DCC: variants seen among roughly 807,000 people sequenced by gnomAD.
The protein encoded by DCC is netrin receptor DCC.
DCC carries 58 observed loss-of-function variants against 172.5 expected under a neutral mutation model. The observed-to-expected ratio is 0.34, with a 90% confidence interval of 0.27 to 0.42. DCC has a LOEUF of 0.42. Among genes scored for constraint, DCC ranks in the 10% least tolerant of loss-of-function variants. The pLI is 1.00. For synonymous variants in DCC, 709 were observed against 644.5 expected (o/e 1.10, Z -1.52); for missense variants, 1,740 against 1,791.0 (o/e 0.97, Z 0.51).
intron 3 of DCC, among the ~76,000 whole-genome samples, chr18:52,920,195 AAGG>A (rs1262337828): frequency 1.3e-5 from 2 of 152,048 alleles, no homozygotes; most frequent in African/African-American, 4.8e-5. Context: ...ATAATCATGA[AAGG>A]AGAAGTTGAT....
At chr18:52,672,189 A>G (rs1288476151) in intron 1 of DCC, among the ~76,000 whole-genome samples, 1 of 152,226 alleles carries the variant, frequency 6.6e-6, no homozygotes, top group Non-Finnish European at 1.5e-5. Context: ...CGTGGGTATT[A>G]AAAGGTCTGT....
intron 15 of DCC, among the ~76,000 whole-genome samples, chr18:53,375,054 T>C (rs2058095843): frequency 6.6e-6 from 1 of 152,184 alleles, no homozygotes; most frequent in Non-Finnish European, 1.5e-5. Flanking sequence ...CACTGCTACT[T>C]AATGAGCTCT....
intron 13 of DCC, among the ~76,000 whole-genome samples, chr18:53,311,459 G>A (rs2057268107): frequency 6.6e-6 from 1 of 152,148 alleles, no homozygotes. Context: ...ACTGAGGTCT[G>A]GAGGGTGGTA....
intron 1 of DCC, among the ~76,000 whole-genome samples, chr18:52,498,360 A>C (rs2030882310): frequency 6.6e-6 from 1 of 152,174 alleles, no homozygotes; most frequent in Admixed American, 6.5e-5. Flanking sequence ...ACAGTGGCTC[A>C]TGGCTGTAAT....
At chr18:53,214,928 T>C (rs900829365) in intron 11 of DCC, among the ~76,000 whole-genome samples, 1 of 152,134 alleles carries the variant, frequency 6.6e-6, no homozygotes, top group African/African-American at 2.4e-5. Context: ...CAAAATACCG[T>C]ACCTAGAAAC....
chr18:52,687,821 A>G (rs1272389297), intron 1 of DCC, among the ~76,000 whole-genome samples: 1 of 152,094 alleles, frequency 6.6e-6, no homozygotes, highest in Non-Finnish European at 1.5e-5. Context: ...GGAACATGTG[A>G]CTGTTCAAGG....
At chr18:52,907,294 A>C (rs1435744364) in intron 3 of DCC, among the ~76,000 whole-genome samples, 1 of 30,176 alleles carries the variant, frequency 3.3e-5, no homozygotes, top group South Asian at 1.4e-3. Context: ...GGATATATAC[A>C]TATGGATATA....
chr18:53,014,783 A>C (rs913925886), intron 5 of DCC, among the ~76,000 whole-genome samples: 2 of 152,068 alleles, frequency 1.3e-5, no homozygotes, highest in Non-Finnish European at 2.9e-5. Flanking sequence ...GAATGGCTGA[A>C]TTGCTGCATA....
intron 1 of DCC, among the ~76,000 whole-genome samples, chr18:52,736,550 A>C (rs1202364696): frequency 6.6e-6 from 1 of 152,166 alleles, no homozygotes; most frequent in African/African-American, 2.4e-5. Flanking sequence ...TGCAGAGAAA[A>C]AAAGTTGAAA....
rs932009575 is a variant in DCC, at chr18:53,052,786, C to T, written c.986-10519C>T. 4.6e-5 allele frequency among the ~76,000 whole-genome samples: 7 copies of T among 152,140 alleles called. No individual in the cohort carries two copies. The East Asian group carries it at 7.8e-4, about 17-fold the overall frequency. Reference sequence around the variant, plus strand: ...TTTCATTGATGGTCCATAAGCCTTACCTTACTCAAACCAACCTCCATCCCC... The same window carrying T: ...TTTCATTGATGGTCCATAAGCCTTATCTTACTCAAACCAACCTCCATCCCC... On this transcript the variant is annotated intron_variant, in intron 5 of 28. Coordinates refer to ENST00000442544, the MANE Select transcript of DCC (RefSeq NM_005215.4).
At chr18:53,163,637 T>G (rs569849385) in intron 8 of DCC, among the ~76,000 whole-genome samples, 1 of 152,108 alleles carries the variant, frequency 6.6e-6, no homozygotes, top group East Asian at 1.9e-4. Context: ...AATTCAAATC[T>G]TTTTATCCAA....
chr18:52,930,849 G>A (rs969816113), intron 5 of DCC, among the ~76,000 whole-genome samples: 12 of 151,920 alleles, frequency 7.9e-5, no homozygotes, highest in Non-Finnish European at 7.4e-5. Context: ...TTTTCTTCAT[G>A]GTTGCTAGCA....
intron 15 of DCC, among the ~76,000 whole-genome samples, chr18:53,370,622 G>A (rs774447856): frequency 5.3e-5 from 8 of 151,650 alleles, no homozygotes; most frequent in Non-Finnish European, 1.0e-4. Context: ...TTCCTTTGTT[G>A]TTTAAGAGTG....
At position 53,240,212 on chromosome 18, in the gene DCC, G is replaced by T. The variant is rs531992279; in HGVS notation, c.1911+24615G>T. ...TCTGGAGATGTTTTTAAAAGGGGAAGAAAAATCAGATAAACTTATAGACAT... is the reference window on the plus strand; with the variant it reads ...TCTGGAGATGTTTTTAAAAGGGGAATAAAAATCAGATAAACTTATAGACAT... On this transcript the variant is annotated intron_variant, in intron 12 of 28. Transcript: ENST00000442544. Among the ~76,000 whole-genome samples the T allele has an allele frequency of 1.2e-3, 177 of 151,930 alleles. 2 individuals carry two copies. Among genetic ancestry groups the T allele is most frequent in the Middle Eastern group, 0.01 (3 of 292 alleles).
At chr18:53,045,247 C>G (rs1356664454) in intron 5 of DCC, among the ~76,000 whole-genome samples, 1 of 151,806 alleles carries the variant, frequency 6.6e-6, no homozygotes, top group Non-Finnish European at 1.5e-5. Context: ...TTTCCTCAAG[C>G]TTTTCTTTCC....
At chr18:52,809,605 C>A (rs140168585) in intron 2 of DCC, among the ~76,000 whole-genome samples, 3 of 152,308 alleles carry the variant, frequency 2.0e-5, no homozygotes, top group Admixed American at 6.5e-5. Flanking sequence ...AGCGAACACA[C>A]TGCTGGATCT....
At chr18:53,222,416 G>A (rs1164919166) in intron 12 of DCC, among the ~76,000 whole-genome samples, 3 of 114,730 alleles carry the variant, frequency 2.6e-5, no homozygotes, top group Non-Finnish European at 5.0e-5. Flanking sequence ...ATGGAGTCTT[G>A]CTCTGTCACC....
chr18:53,455,245 T>C (rs575181279), intron 23 of DCC, among the ~76,000 whole-genome samples: 1 of 152,354 alleles, frequency 6.6e-6, no homozygotes, highest in Non-Finnish European at 1.5e-5. Context: ...TACAGCACTC[T>C]TTATTTGTCT....
chr18:53,274,001 G>C (rs1249783734), intron 12 of DCC, among the ~76,000 whole-genome samples: 1 of 152,078 alleles, frequency 6.6e-6, no homozygotes, highest in African/African-American at 2.4e-5. Context: ...GTGTGGAAAA[G>C]AGAAGCATCA....
Sources: gnomAD v4.1 joint callset for allele counts (sites outside exome capture counted in the v4.1 genomes callset) on GRCh38, gnomAD v4.1.1 for gene constraint, MANE v1.5 for transcripts, NCBI Gene and HGNC (gene_info 2026-07-23, HGNC 2026-07-21) for gene names.